Variants in NSG2 observed in about 807,000 individuals in gnomAD.
NSG2 encodes the protein neuronal vesicle trafficking-associated protein 2.
A neutral mutation model predicts 16.9 loss-of-function variants in NSG2; 4 were observed. The ratio of observed to expected loss-of-function variants is 0.24; its 90% CI spans 0.12 to 0.54. NSG2 has a LOEUF of 0.54. Ranked by LOEUF, NSG2 falls within the 20% of genes least tolerant of loss-of-function variation. The pLI is 0.95. For missense variants in NSG2, 179 were observed against 221.1 expected, an observed-to-expected ratio of 0.81 and a Z score of 1.21; for synonymous variants, 98 against 88.7, an observed-to-expected ratio of 1.11 and a Z score of -0.59.
intron 3 of NSG2, among the ~76,000 whole-genome samples, chr5:174,067,938 G>T (rs1442381837): frequency 6.6e-6 from 1 of 152,126 alleles, no homozygotes; most frequent in Non-Finnish European, 1.5e-5. Flanking sequence ...GGTGCCTGGA[G>T]ACCATGGGTG....
chr5:174,097,851 G>C (rs970200373), intron 3 of NSG2, among the ~76,000 whole-genome samples: 1 of 151,626 alleles, frequency 6.6e-6, no homozygotes, highest in Non-Finnish European at 1.5e-5. Flanking sequence ...GTCTGTGTGT[G>C]TGTGTGTGTG....
At chr5:174,061,223 G>A (rs887078904) in intron 2 of NSG2, among the ~76,000 whole-genome samples, 14 of 152,176 alleles carry the variant, frequency 9.2e-5, no homozygotes, top group South Asian at 4.1e-4. Context: ...TTCTAAAATC[G>A]TGGATTAAGA....
chr5:174,106,387 C>G (rs911110004), intron 4 of NSG2, among the ~76,000 whole-genome samples: 6 of 152,130 alleles, frequency 3.9e-5, no homozygotes, highest in African/African-American at 1.2e-4. Flanking sequence ...TTGTAGATGA[C>G]AGCATGTTCG....
chr5:174,090,245 A>C (rs1760700887), intron 3 of NSG2, among the ~76,000 whole-genome samples: 1 of 152,324 alleles, frequency 6.6e-6, no homozygotes, highest in Non-Finnish European at 1.5e-5. Context: ...AAAAGAAAAA[A>C]AGAGCATGAG....
chr5:174,083,847 C>T (rs1760542069), intron 3 of NSG2, among the ~76,000 whole-genome samples: 2 of 152,078 alleles, frequency 1.3e-5, no homozygotes, highest in Non-Finnish European at 2.9e-5. Flanking sequence ...GCATAAGTGC[C>T]CTGTGATGGG....
At chr5:174,084,304 A>G (rs1310497109) in intron 3 of NSG2, 2 of 152,230 alleles carry the variant, frequency 1.3e-5, no homozygotes, top group African/African-American at 4.8e-5. Flanking sequence ...GAAAAAGAGG[A>G]AAGTGTAATA....
intron 2 of NSG2, among the ~76,000 whole-genome samples, chr5:174,049,896 A>G (rs1189631919): frequency 3.3e-5 from 5 of 152,322 alleles, no homozygotes; most frequent in African/African-American, 1.2e-4. Flanking sequence ...CAAGAAGCCA[A>G]AGGTCCTCTA....
At chr5:174,059,467 A>G (rs1256698453) in intron 2 of NSG2, among the ~76,000 whole-genome samples, 1 of 152,046 alleles carries the variant, frequency 6.6e-6, no homozygotes, top group Non-Finnish European at 1.5e-5. Flanking sequence ...AAATCTATTG[A>G]TTTTGGTTTA....
At chr5:174,068,132 A>C (rs67489925) in intron 3 of NSG2, among the ~76,000 whole-genome samples, 24,117 of 152,014 alleles carry the variant, frequency 0.16, 2,535 homozygotes, top group African/African-American at 0.29. Context: ...AACCTTGGAA[A>C]CTGCAAAGGT....
chr5:174,081,822 AGAGCTTGCAG>A (rs1448159637), intron 3 of NSG2, among the ~76,000 whole-genome samples: 2 of 149,176 alleles, frequency 1.3e-5, no homozygotes, highest in Non-Finnish European at 3.0e-5. Context: ...CCCGGGAGGC[AGAGCTTGCAG>A]TGAGCCAAGA....
chr5:174,099,312 C>A (rs1306695773), intron 3 of NSG2, among the ~76,000 whole-genome samples: 1 of 152,176 alleles, frequency 6.6e-6, no homozygotes, highest in South Asian at 2.1e-4. Context: ...AACTCGCCGG[C>A]CTGAGCCGGC....
chr5:174,096,452 T>A (rs954778379), intron 3 of NSG2, among the ~76,000 whole-genome samples: 2 of 151,918 alleles, frequency 1.3e-5, no homozygotes, highest in Non-Finnish European at 2.9e-5. Context: ...AAAACTGGGG[T>A]ACCTGGAGCT....
At chr5:174,080,373 T>C (rs1368458465) in intron 3 of NSG2, among the ~76,000 whole-genome samples, 2 of 150,744 alleles carry the variant, frequency 1.3e-5, no homozygotes, top group Non-Finnish European at 3.0e-5. Flanking sequence ...TAACCATATG[T>C]ATGTGGATAT....
intron 1 of NSG2, chr5:174,046,060 G>A (rs575015234): frequency 1.3e-5 from 2 of 150,266 alleles, no homozygotes; most frequent in Non-Finnish European, 1.5e-5. Context: ...TGGCAATCCT[G>A]CAATATGGGG....
intron 1 of NSG2, 54 bp from the exon 2 acceptor site, chr5:174,046,680 C>T: frequency 1.9e-6 from 3 of 1,564,674 alleles, no homozygotes; most frequent in Non-Finnish European, 2.6e-6. Context: ...TGTCGTCAGC[C>T]CTCTCTTTCT....
intron 1 of NSG2, 138 bp from the exon 2 acceptor site, chr5:174,046,596 A>G (rs1759803494): frequency 4.5e-6 from 3 of 661,820 alleles, no homozygotes; most frequent in Non-Finnish European, 7.5e-6. Flanking sequence ...CTGGAAATCT[A>G]GTGGAAGATC....
chr5:174,064,656 C>T (rs1760111066), intron 3 of NSG2, among the ~76,000 whole-genome samples: 1 of 152,014 alleles, frequency 6.6e-6, no homozygotes, highest in Non-Finnish European at 1.5e-5. Context: ...AAGTGACTCA[C>T]ATTTTAGTCC....
chr5:174,106,904 A>G (rs774545259), intron 4 of NSG2, among the ~76,000 whole-genome samples: 1 of 152,150 alleles, frequency 6.6e-6, no homozygotes, highest in Non-Finnish European at 1.5e-5. Context: ...GACTTTTGAT[A>G]TAAGAGAAAA....
intron 3 of NSG2, among the ~76,000 whole-genome samples, chr5:174,091,039 CT>C (rs35022469): frequency 0.15 from 18,190 of 124,006 alleles, 1,246 homozygotes; most frequent in African/African-American, 0.22. Context: ...CTTCTTCTTC[CT>C]TTTTTTTTTT....
Sources: allele counts gnomAD v4.1 joint callset (sites outside exome capture counted in the v4.1 genomes callset), GRCh38; gene constraint gnomAD v4.1.1; transcripts MANE v1.5; gene names NCBI Gene and HGNC (gene_info 2026-07-23, HGNC 2026-07-21).